Variants in FHIT observed in about 807,000 individuals in gnomAD.
FHIT encodes the protein bis(5'-adenosyl)-triphosphatase.
FHIT carries 19 observed loss-of-function variants against 17.9 expected under a neutral mutation model. That is an observed-to-expected ratio of 1.06 (90% CI 0.74 to 1.56). FHIT has a LOEUF of 1.56. Among genes scored for constraint, FHIT ranks in the 40% most tolerant of loss-of-function variants. FHIT has a pLI of 0.00. For missense variants in FHIT, 248 were observed against 189.2 expected (o/e 1.31, Z -1.82); for synonymous variants, 81 against 69.7 (o/e 1.16, Z -0.81).
chr3:60,028,439 T>C (rs1700847223), intron 5 of FHIT, among the ~76,000 whole-genome samples: 1 of 152,174 alleles, frequency 6.6e-6, no homozygotes, highest in South Asian at 2.1e-4. Context: ...CAGAGACCAG[T>C]CACATCACTT....
chr3:59,844,015 C>A (rs1701626804), intron 8 of FHIT, among the ~76,000 whole-genome samples: 2 of 151,948 alleles, frequency 1.3e-5, no homozygotes, highest in African/African-American at 4.8e-5. Context: ...CCTCCCACAC[C>A]CTCCTTCTCT....
chr3:59,844,211 G>A (rs961489993), intron 8 of FHIT, among the ~76,000 whole-genome samples: 1 of 152,104 alleles, frequency 6.6e-6, no homozygotes, highest in Non-Finnish European at 1.5e-5. Context: ...TTCTTTTATA[G>A]CAATGGAAGA....
chr3:60,172,902 G>C (rs1253855409), intron 5 of FHIT, among the ~76,000 whole-genome samples: 4 of 152,156 alleles, frequency 2.6e-5, no homozygotes, highest in African/African-American at 9.7e-5. Flanking sequence ...CATTTCAGTA[G>C]AAGTGATATA....
intron 5 of FHIT, among the ~76,000 whole-genome samples, chr3:60,503,423 G>A (rs1410805113): frequency 6.6e-6 from 1 of 152,040 alleles, no homozygotes; most frequent in African/African-American, 2.4e-5. Flanking sequence ...TATCCAAGAA[G>A]GCCTATGATA....
intron 5 of FHIT, among the ~76,000 whole-genome samples, chr3:60,056,323 T>G (rs1702079932): frequency 6.6e-6 from 1 of 152,216 alleles, no homozygotes; most frequent in Admixed American, 6.5e-5. Context: ...TTGAGATTTA[T>G]TTGGAACTAA....
chr3:59,954,574 G>T (rs1211078740), intron 7 of FHIT, among the ~76,000 whole-genome samples: 2 of 152,144 alleles, frequency 1.3e-5, no homozygotes, highest in Non-Finnish European at 2.9e-5. Context: ...AGAAGATGAG[G>T]CTAAGGGCCC....
At chr3:60,455,406 T>C (rs2032026500) in intron 5 of FHIT, among the ~76,000 whole-genome samples, 1 of 152,132 alleles carries the variant, frequency 6.6e-6, no homozygotes, top group African/African-American at 2.4e-5. Flanking sequence ...TGATGAGCCT[T>C]CATCATAAAA....
intron 5 of FHIT, among the ~76,000 whole-genome samples, chr3:60,443,498 A>G (rs1246437467): frequency 6.6e-6 from 1 of 152,094 alleles, no homozygotes; most frequent in Admixed American, 6.6e-5. Context: ...GTTGAATTTT[A>G]TCAAAGGCCT....
intron 4 of FHIT, among the ~76,000 whole-genome samples, chr3:60,638,689 T>C (rs1042475405): frequency 1.3e-5 from 2 of 152,108 alleles, no homozygotes; most frequent in African/African-American, 4.8e-5. Flanking sequence ...TATGATATAT[T>C]AATGTTACTA....
chr3:60,149,234 A>G (rs1700360083), intron 5 of FHIT, among the ~76,000 whole-genome samples: 1 of 152,212 alleles, frequency 6.6e-6, no homozygotes, highest in Non-Finnish European at 1.5e-5. Context: ...TTAGAAAGGA[A>G]AGCTATGGAA....
chr3:61,198,534 TG>T (rs147622327), intron 2 of FHIT, among the ~76,000 whole-genome samples: 2 of 151,266 alleles, frequency 1.3e-5, no homozygotes, highest in African/African-American at 4.9e-5. Context: ...AAAAAATTGG[TG>T]GGGGGGTTCC....
At chr3:59,834,631 A>C (rs1432054972) in intron 8 of FHIT, among the ~76,000 whole-genome samples, 2 of 152,154 alleles carry the variant, frequency 1.3e-5, no homozygotes, top group African/African-American at 4.8e-5. Context: ...GAAAAAGAGG[A>C]AGTTAGCTCT....
At chr3:59,760,488 C>A (rs1478197371) in intron 8 of FHIT, among the ~76,000 whole-genome samples, 3 of 151,550 alleles carry the variant, frequency 2.0e-5, no homozygotes, top group Non-Finnish European at 2.9e-5. Flanking sequence ...TTGGAACATG[C>A]TATGTACCCT....
At chr3:60,607,388 G>T (rs1553671607) in intron 4 of FHIT, among the ~76,000 whole-genome samples, 2 of 151,654 alleles carry the variant, frequency 1.3e-5, no homozygotes, top group Non-Finnish European at 2.9e-5. Context: ...TTACTTGCAA[G>T]GGTTGGCAAA....
chr3:60,610,960 A>C (rs548717966), intron 4 of FHIT, among the ~76,000 whole-genome samples: 268 of 152,272 alleles, frequency 1.8e-3, no homozygotes, highest in Middle Eastern at 6.8e-3. Flanking sequence ...ATGTACTCTT[A>C]AGCCTAAATT....
At position 59,863,859 on chromosome 3, in the gene FHIT, G is replaced by A. The variant is rs1002535506; in HGVS notation, c.348+58487C>T. On this transcript the variant is annotated intron_variant, in intron 8 of 9. Transcript: ENST00000492590. ...GCTCACCCATTGGCAAGGTGCCTGC[G>A]GTAGTTTTAAGAGCCATCAACAAAT... is the stretch of plus-strand genomic sequence containing the variant. 3.9e-5 allele frequency among the ~76,000 whole-genome samples: 6 copies of A among 152,280 alleles called. No homozygotes were observed. In the South Asian group the frequency reaches 6.2e-4, roughly 16 times the overall value.
intron 4 of FHIT, among the ~76,000 whole-genome samples, chr3:60,626,785 C>CTTTTTTT (rs60098225): frequency 4.5e-5 from 6 of 133,978 alleles, no homozygotes; most frequent in Non-Finnish European, 7.9e-5. Context: ...GGAAAACACT[C>CTTTTTTT]TTTTTTTTTT....
chr3:60,425,327 G>A (rs1396801243), intron 5 of FHIT, among the ~76,000 whole-genome samples: 5 of 152,072 alleles, frequency 3.3e-5, no homozygotes, highest in African/African-American at 1.2e-4. Flanking sequence ...AAAACCAGAA[G>A]GAGATAAAGC....
rs141083850 is a variant in FHIT, at chr3:60,173,641, G to A, written c.104-159489C>T. Among the ~76,000 whole-genome samples the A allele has an allele frequency of 3.5e-3, 525 of 151,758 alleles. 3 individuals carry two copies. Among genetic ancestry groups the A allele is most frequent in the African/African-American group, 0.011 (474 of 41,406 alleles). On this transcript the variant is annotated intron_variant, in intron 5 of 9. Transcript: ENST00000492590. ...GGCCTAGGCAGGAGTGGAGATCAAC[G>A]AAGCATGAAATGGTGGATGTTTCCG...
Sources: allele counts gnomAD v4.1 joint callset (sites outside exome capture counted in the v4.1 genomes callset), GRCh38; gene constraint gnomAD v4.1.1; transcripts MANE v1.5; gene names NCBI Gene and HGNC (gene_info 2026-07-23, HGNC 2026-07-21).